AMPD3: variants seen among roughly 807,000 people sequenced by gnomAD.
The protein encoded by AMPD3 is AMP deaminase 3.
In AMPD3, 57 loss-of-function variants were observed where a neutral mutation model predicts 82.3. The observed-to-expected ratio is 0.69, with a 90% CI of 0.56 to 0.86. The LOEUF is 0.86. Among genes scored for constraint, AMPD3 ranks in the 40% least tolerant of loss-of-function variants. The pLI, the probability that AMPD3 is intolerant of heterozygous loss-of-function variation, is 0.00. For missense variants in AMPD3, 870 were observed against 1,003.8 expected (o/e 0.87, Z 1.80); for synonymous variants, 381 against 394.7 (o/e 0.97, Z 0.41).
chr11:10,456,259 ACCT>A lies in AMPD3; in HGVS notation c.-6+815_-6+817del. On this transcript the variant is annotated intron_variant, in intron 1 of 14. Transcript: ENST00000396553. This position sits in a 1 kb window ranked among gnomAD's most constrained non-coding sequence, Gnocchi z 4.3. ...CTGCTCACAGATATGCAAAACAGAG[ACCT>A]CCTACTCCAGCCGGCAGACAGGACC... The A allele has an allele frequency of 6.5e-7, 1 of 1,537,150 alleles. No individual in the cohort carries two copies. The highest frequency in any genetic ancestry group is 8.8e-7 in the Non-Finnish European group (1 of 1,141,632).
intron 1 of AMPD3, among the ~76,000 whole-genome samples, chr11:10,459,468 G>A (rs1848194274): frequency 6.6e-6 from 1 of 152,128 alleles, no homozygotes; most frequent in Admixed American, 6.5e-5. Flanking sequence ...ACATTGTGAG[G>A]CCGGAGAATG....
intron 10 of AMPD3, among the ~76,000 whole-genome samples, chr11:10,498,889 G>A (rs886647587): frequency 6.6e-6 from 1 of 152,226 alleles, no homozygotes; most frequent in Non-Finnish European, 1.5e-5. Flanking sequence ...CTCCATGCAT[G>A]TGTTCTTGGT....
At chr11:10,504,134 C>T (rs11042862) in intron 13 of AMPD3, 4 of 788,344 alleles carry the variant, frequency 5.1e-6, no homozygotes, top group Non-Finnish European at 6.2e-6. Context: ...ATCTATCTAT[C>T]TATCTATCTA....
rs1449109495 is a variant in AMPD3, at chr11:10,456,776, T to A, written c.-6+1328T>A. On this transcript the variant is annotated intron_variant, in intron 1 of 14. Transcript: ENST00000396553. This position sits in a 1 kb window ranked among gnomAD's most constrained non-coding sequence, Gnocchi z 4.3. ...CAGAGTGAGCTTTCCTTGTCAGGCC[T>A]GGCCTGGCAGGTGTCTGGAGGGTCT... is the stretch of plus-strand genomic sequence containing the variant. 1.3e-5 allele frequency among the ~76,000 whole-genome samples: 2 copies of A among 152,170 alleles called. No individual in the cohort carries two copies. Among genetic ancestry groups the A allele is most frequent in the Non-Finnish European group, 2.9e-5 (2 of 68,020 alleles).
upstream of AMPD3, chr11:10,450,945 GC>G (rs35417007): frequency 0.63 from 892,290 of 1,415,172 alleles, 286,979 homozygotes; most frequent in East Asian, 0.74. Context: ...TGGCCTCAGT[GC>G]CCAGCAGCCC....
chr11:10,504,118 CTAT>C, intron 13 of AMPD3: 2 of 7,176 alleles, frequency 2.8e-4, no homozygotes, highest in Non-Finnish European at 4.3e-4. Context: ...CTTTACTCAT[CTAT>C]CTATCTATCT....
chr11:10,499,843 G>A (rs113612834), intron 10 of AMPD3: 9 of 985,300 alleles, frequency 9.1e-6, no homozygotes, highest in African/African-American at 8.7e-5. Context: ...CAGGGGCTTG[G>A]CACTCTCCTG....
In AMPD3 at chr11:10,495,669, TG is replaced by T; in HGVS notation, c.1368del (p.Trp456CysfsTer65). ...SPEEWPNLAY[W>X]FIQHKVYSPN... ...TGAGGAGTGGCCCAACCTGGCCTACTGGTTCATCCAGCACAAGGTCTACTCT... is the reference window on the plus strand; with the variant it reads ...TGAGGAGTGGCCCAACCTGGCCTACTGTTCATCCAGCACAAGGTCTACTCT... On this transcript the variant is annotated frameshift_variant, in exon 9 of 15. Coordinates refer to ENST00000396553, the MANE Select transcript of AMPD3 (RefSeq NM_001025389.2). LOFTEE classifies it high-confidence loss of function. 1 of 1,614,140 alleles carries T rather than the reference TG, an allele frequency of 6.2e-7. No individual in the cohort carries two copies. The highest frequency in any genetic ancestry group is 8.5e-7 in the Non-Finnish European group (1 of 1,180,018).
intron 1 of AMPD3, among the ~76,000 whole-genome samples, chr11:10,459,542 C>T (rs928138595): frequency 6.6e-6 from 1 of 152,170 alleles, no homozygotes; most frequent in African/African-American, 2.4e-5. Flanking sequence ...TGCTGGACAG[C>T]AGCAGGGCTC....
intron 12 of AMPD3, chr11:10,502,216 T>C: frequency 1.0e-6 from 1 of 985,448 alleles, no homozygotes; most frequent in Non-Finnish European, 1.2e-6. Context: ...GTCACATTTT[T>C]GGGTGGGGTG....
At chr11:10,466,037 G>A (rs1848411391) in intron 2 of AMPD3, among the ~76,000 whole-genome samples, 2 of 152,078 alleles carry the variant, frequency 1.3e-5, no homozygotes, top group South Asian at 2.1e-4. Flanking sequence ...CAAGGCGAGT[G>A]GATCACCTGA....
chr11:10,459,896 G>T (rs1848207426), intron 1 of AMPD3, among the ~76,000 whole-genome samples: 1 of 151,838 alleles, frequency 6.6e-6, no homozygotes. Flanking sequence ...ACAAATCTCT[G>T]CTGACTTATT....
intron 7 of AMPD3, chr11:10,494,430 A>G (rs1849329628): frequency 2.3e-6 from 1 of 427,570 alleles, no homozygotes; most frequent in Non-Finnish European, 3.1e-6. Flanking sequence ...AACAATGTCA[A>G]TGTACTTAAA....
chr11:10,451,109 G>T, upstream of AMPD3: 1 of 1,540,742 alleles, frequency 6.5e-7, no homozygotes, highest in Non-Finnish European at 8.7e-7. Flanking sequence ...GCCCAGGCGG[G>T]AATCAGCAGC....
In AMPD3 at chr11:10,500,090, C is replaced by T. The variant is rs775155002; in HGVS notation, c.1562C>T (p.Thr521Met). The change falls in exon 11 of 15, where the codon ACG (threonine) becomes ATG (methionine). Residue 521 changes from threonine to methionine, a missense_variant. Thr to Met is a moderately conservative substitution (Grantham distance 81, BLOSUM62 -1). Coordinates refer to ENST00000396553, the MANE Select transcript of AMPD3 (RefSeq NM_001025389.2). ...CTCAGGACCTCTCCTGCCCAGGTGA[C>T]GGGGTTTGACAGCGTGGATGATGAG... The part of the protein sequence containing the change: ...RELHLFLKYV[T>M]GFDSVDDESK... 33 of 1,614,052 alleles carry T rather than the reference C, an allele frequency of 2.0e-5. No individual in the cohort carries two copies. Among genetic ancestry groups the T allele is most frequent in the South Asian group, 1.1e-4 (10 of 91,090 alleles).
upstream of AMPD3, among the ~76,000 whole-genome samples, chr11:10,452,222 A>T (rs896111196): frequency 2.6e-5 from 4 of 152,026 alleles, no homozygotes; most frequent in Non-Finnish European, 5.9e-5. Context: ...TCACTCTTCA[A>T]ATGGCCTCAA....
intron 10 of AMPD3, among the ~76,000 whole-genome samples, chr11:10,497,184 C>A (rs1338996509): frequency 6.6e-6 from 1 of 152,084 alleles, no homozygotes; most frequent in East Asian, 1.9e-4. Context: ...GTAGGCCTTT[C>A]CCCCAGCAGG....
chr11:10,476,473 T>TG lies in AMPD3; in HGVS notation c.222-2053_222-2052insG, dbSNP rs201114918. ...AGCATTTGGGCTGTAGTGTTTTTTT[T>TG]TTTGTGTGTGTGTGTGTGGTTTTTT... On this transcript the variant is annotated intron_variant, in intron 2 of 14. Transcript: ENST00000396553. Among the ~76,000 whole-genome samples the TG allele has an allele frequency of 4.5e-3, 651 of 144,210 alleles. 2 individuals carry two copies. The highest frequency in any genetic ancestry group is 0.013 in the African/African-American group (497 of 39,492). 94.6% of individuals were successfully genotyped at this position (144,210 alleles called of 152,430 possible).
At chr11:10,453,959 G>A (rs1453728414), upstream of AMPD3, among the ~76,000 whole-genome samples, 1 of 152,188 alleles carries the variant, frequency 6.6e-6, no homozygotes, top group African/African-American at 2.4e-5. Context: ...GGGTGCTTAA[G>A]TGATAAAAGG....
Sources: allele counts gnomAD v4.1 joint callset (sites outside exome capture counted in the v4.1 genomes callset), GRCh38; gene constraint gnomAD v4.1.1; non-coding constraint Gnocchi (gnomAD v3.1); transcripts MANE v1.5; gene names NCBI Gene and HGNC (gene_info 2026-07-23, HGNC 2026-07-21).